The following SLC47A2 variants were observed in gnomAD, a reference collection of about 807,000 sequenced individuals.
SLC47A2 encodes solute carrier family 47 member 2.
In SLC47A2, 52 loss-of-function variants were observed where a neutral mutation model predicts 67.7. That is an observed-to-expected ratio of 0.77 (90% CI 0.61 to 0.97). The LOEUF is 0.97. Ranked by LOEUF, SLC47A2 falls within the 50% of genes least tolerant of loss-of-function variation. SLC47A2 has a pLI of 0.00. For synonymous variants in SLC47A2, 278 were observed against 292.9 expected (o/e 0.95, Z 0.52); for missense variants, 676 against 712.3 (o/e 0.95, Z 0.58).
chr17:19,683,690 G>C (rs1389150554), intron 13 of SLC47A2, among the ~76,000 whole-genome samples: 1 of 152,164 alleles, frequency 6.6e-6, no homozygotes, highest in Admixed American at 6.5e-5. Flanking sequence ...GAAAGTAAAA[G>C]CCAGGACTCA....
Position 19,681,633 on chromosome 17 carries a change from T to C in SLC47A2, c.1202A>G (p.Gln401Arg), listed in dbSNP as rs1453874095. ...GGCATTCACAGCGGCACCAAAGGCC[T>C]GCTTCCCAGTTCCTCTCAGAACTCC... ...YGGVLRGTGK[Q>R]AFGAAVNAIT... Residue 401 changes from glutamine (Q) to arginine (R), a missense_variant, in exon 14 of 17, where the codon CAG (glutamine) becomes CGG (arginine). By Grantham distance (43) the Gln-to-Arg change is conservative. Transcript: ENST00000433844. 1 of 1,613,970 alleles carries C rather than the reference T, an allele frequency of 6.2e-7. No individual in the cohort carries two copies. Among genetic ancestry groups the C allele is most frequent in the Non-Finnish European group, 8.5e-7 (1 of 1,179,966 alleles).
intron 13 of SLC47A2, among the ~76,000 whole-genome samples, chr17:19,683,100 G>A (rs913464068): frequency 2.0e-5 from 3 of 152,112 alleles, no homozygotes; most frequent in Admixed American, 2.0e-4. Context: ...TATATTTCTG[G>A]TTATTATATG....
intron 13 of SLC47A2, among the ~76,000 whole-genome samples, chr17:19,698,908 C>T (rs76316125): frequency 0.03 from 4,533 of 152,168 alleles, 105 homozygotes; most frequent in East Asian, 0.07. Context: ...TTACATTGTA[C>T]TAGGAATTAT....
chr17:19,678,746 C>T lies in SLC47A2; in HGVS notation c.1641G>A (p.Gly547=). 1 of 1,613,982 alleles carries T rather than the reference C, an allele frequency of 6.2e-7. No individual in the cohort carries two copies. The highest frequency in any genetic ancestry group is 8.5e-7 in the Non-Finnish European group (1 of 1,180,054). ...QLVIRRGAAL[G]AASATLMVGL... ...CCACCATCAGTGTGGCTGACGCCGC[C>T]CCCAGAGCAGCCCCACGGCGGATGA... Residue 547 remains glycine, a synonymous_variant, in exon 17 of 17, where the codon GGG becomes GGA. Coordinates refer to ENST00000433844, the MANE Select transcript of SLC47A2 (RefSeq NM_001099646.3).
chr17:19,691,797 C>CCCATTTAT (rs550003532), intron 13 of SLC47A2, among the ~76,000 whole-genome samples: 158 of 152,228 alleles, frequency 1.0e-3, no homozygotes, highest in Non-Finnish European at 2.1e-3. Context: ...TGATGAAAAC[C>CCCATTTAT]CCATTTATCC....
intron 16 of SLC47A2, among the ~76,000 whole-genome samples, chr17:19,679,519 C>A (rs1318732197): frequency 6.6e-6 from 1 of 152,162 alleles, no homozygotes. Context: ...TCAAGCCAGG[C>A]TGGCTGACAA....
At chr17:19,699,086 T>C (rs533820129) in intron 13 of SLC47A2, among the ~76,000 whole-genome samples, 6 of 152,002 alleles carry the variant, frequency 3.9e-5, no homozygotes, top group African/African-American at 1.4e-4. Context: ...GGTGAAAGAA[T>C]AGACAAAAAA....
At chr17:19,709,612 A>C (rs548554741) in intron 5 of SLC47A2, among the ~76,000 whole-genome samples, 2 of 152,178 alleles carry the variant, frequency 1.3e-5, no homozygotes, top group Non-Finnish European at 2.9e-5. Flanking sequence ...TATACACTTA[A>C]TATTTTACAT....
chr17:19,715,273 C>A, intron 1 of SLC47A2, 56 bp from the exon 2 acceptor site: 1 of 1,517,270 alleles, frequency 6.6e-7, no homozygotes, highest in Middle Eastern at 1.7e-4. Context: ...ACAGCCGAGC[C>A]CTGCAAGACA....
rs971165994 is a variant in SLC47A2, at chr17:19,703,184, G to A, written c.1019-17C>T. On this transcript the variant is annotated splice_polypyrimidine_tract_variant and intron_variant, in intron 11 of 16. Coordinates refer to ENST00000433844, the MANE Select transcript of SLC47A2 (RefSeq NM_001099646.3). ...AAATGCCAACTGGAAGAGACAAAAGGTGCAGCAATGACAGACCCCAAGCCA... is the reference window on the plus strand; with the variant it reads ...AAATGCCAACTGGAAGAGACAAAAGATGCAGCAATGACAGACCCCAAGCCA... 6.2e-7 allele frequency: 1 copy of A among 1,613,266 alleles called. No individual in the cohort carries two copies. The highest frequency in any genetic ancestry group is 8.5e-7 in the Non-Finnish European group (1 of 1,179,296).
At chr17:19,690,285 G>C (rs2085511935) in intron 13 of SLC47A2, among the ~76,000 whole-genome samples, 1 of 152,160 alleles carries the variant, frequency 6.6e-6, no homozygotes, top group Admixed American at 6.6e-5. Context: ...ATGGACTAAA[G>C]ACTTGAACTG....
chr17:19,689,926 A>G (rs1307222428), intron 13 of SLC47A2, among the ~76,000 whole-genome samples: 1 of 152,114 alleles, frequency 6.6e-6, no homozygotes, highest in Non-Finnish European at 1.5e-5. Flanking sequence ...ATAATACTGA[A>G]ATTTATATGG....
At position 19,707,758 on chromosome 17, in the gene SLC47A2, C is replaced by T. The variant is rs1480358516; in HGVS notation, c.715G>A (p.Glu239Lys). 6.3e-7 allele frequency: 1 copy of T among 1,592,682 alleles called. No homozygotes were observed. The highest frequency in any genetic ancestry group is 1.7e-4 in the Middle Eastern group (1 of 6,036). ...LYIVLKKLHL[E>K]TWAGWSSQCL... is the part of the protein sequence containing the mutation. ...CCAGGCCTCCCACCTGCCCACGTCT[C>T]CAGGTGCAGCTTCTTCAGCACAATG... Residue 239 changes from glutamate (E) to lysine (K), a missense_variant, in exon 8 of 17, where the codon GAG becomes AAG. Coordinates refer to ENST00000433844, the MANE Select transcript of SLC47A2 (RefSeq NM_001099646.3).
chr17:19,710,475 A>T (rs1845642433), intron 5 of SLC47A2, among the ~76,000 whole-genome samples: 1 of 151,286 alleles, frequency 6.6e-6, no homozygotes, highest in African/African-American at 2.4e-5. Flanking sequence ...TTTTTTAGAC[A>T]GAGTTTCGCT....
At chr17:19,716,752 C>G, upstream of SLC47A2, 1 of 757,522 alleles carries the variant, frequency 1.3e-6, no homozygotes, top group Non-Finnish European at 2.0e-6. Context: ...GCCAAGCCTA[C>G]TGCCTCAGCC....
chr17:19,714,581 T>C, intron 3 of SLC47A2, 140 bp downstream of exon 3: 1 of 902,876 alleles, frequency 1.1e-6, no homozygotes, highest in South Asian at 1.4e-5. Context: ...TCCTTGGAGG[T>C]AGGGCAGGGG....
In SLC47A2 at chr17:19,715,007, G is replaced by C. The variant is rs114547400; in HGVS notation, c.225+109C>G. ...TGAAGGCAGCTGTCCAGCCACGTGG[G>C]CTGTGTCTTCCCATCCCTGACCAGC... On this transcript the variant is annotated intron_variant, in intron 2 of 16. Transcript: ENST00000433844. The C allele has an allele frequency of 1.3e-3, 1,749 of 1,335,936 alleles. 7 individuals carry two copies. The highest frequency in any genetic ancestry group is 9.1e-3 in the Middle Eastern group (38 of 4,166). 82.8% of individuals were successfully genotyped at this position (1,335,936 alleles called of 1,614,324 possible).
chr17:19,694,864 C>G (rs1313904733), intron 13 of SLC47A2, among the ~76,000 whole-genome samples: 1 of 150,810 alleles, frequency 6.6e-6, no homozygotes, highest in Non-Finnish European at 1.5e-5. Context: ...TGCAGTGAGC[C>G]CAGATTGTGC....
At chr17:19,694,566 C>G (rs2085615005) in intron 13 of SLC47A2, among the ~76,000 whole-genome samples, 1 of 152,096 alleles carries the variant, frequency 6.6e-6, no homozygotes, top group African/African-American at 2.4e-5. Context: ...AATTGGATAT[C>G]CATATGTAAA....
Sources: gnomAD v4.1 joint callset for allele counts (sites outside exome capture counted in the v4.1 genomes callset) on GRCh38, gnomAD v4.1.1 for gene constraint, MANE v1.5 for transcripts, NCBI Gene and HGNC (gene_info 2026-07-23, HGNC 2026-07-21) for gene names.